Variants in SH2D4A observed in about 807,000 individuals in gnomAD.
SH2D4A encodes the protein SH2 domain-containing protein 4A.
A neutral mutation model predicts 64.7 loss-of-function variants in SH2D4A; 70 were observed. That is an observed-to-expected ratio of 1.08 (90% CI 0.89 to 1.32). The LOEUF (loss-of-function observed/expected upper bound fraction) is 1.32. Among genes scored for constraint, SH2D4A ranks in the 40% most tolerant of loss-of-function variants. The pLI is 0.00. For missense variants in SH2D4A, 706 were observed against 540.1 expected (o/e 1.31, Z -3.04); for synonymous variants, 268 against 200.7 (o/e 1.34, Z -2.83).
intron 4 of SH2D4A, among the ~76,000 whole-genome samples, chr8:19,340,010 G>A (rs1243776850): frequency 6.6e-6 from 1 of 152,166 alleles, no homozygotes; most frequent in African/African-American, 2.4e-5. Context: ...ACAATAACAA[G>A]TGCTGTGACT....
chr8:19,394,505 TG>T, intron 9 of SH2D4A, 44 bp from the exon 10 acceptor site: 1 of 1,304,444 alleles, frequency 7.7e-7, no homozygotes, highest in Non-Finnish European at 1.1e-6. Context: ...GAAGAGCATG[TG>T]GTCACTACTT....
intron 6 of SH2D4A, among the ~76,000 whole-genome samples, chr8:19,362,230 C>T (rs1055948275): frequency 7.9e-5 from 12 of 152,194 alleles, no homozygotes; most frequent in African/African-American, 2.9e-4. Flanking sequence ...CCAGTAGGCT[C>T]TTTGTACTAT....
At chr8:19,391,050 A>G (rs1385249487) in intron 8 of SH2D4A, among the ~76,000 whole-genome samples, 1 of 152,094 alleles carries the variant, frequency 6.6e-6, no homozygotes, top group Non-Finnish European at 1.5e-5. Flanking sequence ...TCTTTTTCCA[A>G]GATGCTGCTT....
chr8:19,358,948 C>T (rs13439427), intron 5 of SH2D4A, among the ~76,000 whole-genome samples: 1 of 152,012 alleles, frequency 6.6e-6, no homozygotes, highest in African/African-American at 2.4e-5. Context: ...TCGGCCCCTC[C>T]GCCCCTCCAC....
chr8:19,314,063 C>G, intron 1 of SH2D4A: 1 of 1,112,228 alleles, frequency 9.0e-7, no homozygotes, highest in Non-Finnish European at 1.1e-6. Flanking sequence ...TGTCCGGTGT[C>G]TGGAGCCGCT....
intron 1 of SH2D4A, 80 bp from the exon 2 acceptor site, chr8:19,319,264 G>A (rs752222326): frequency 3.8e-4 from 395 of 1,029,526 alleles, no homozygotes; most frequent in Non-Finnish European, 4.6e-4. Flanking sequence ...TTTCCTCCTA[G>A]CTTTTTTTTT....
chr8:19,345,355 C>T (rs928698143), intron 4 of SH2D4A, among the ~76,000 whole-genome samples: 2 of 152,214 alleles, frequency 1.3e-5, no homozygotes, highest in African/African-American at 2.4e-5. Context: ...AAGCAACACT[C>T]GATGCCTGTA....
intron 1 of SH2D4A, among the ~76,000 whole-genome samples, chr8:19,314,381 C>T (rs1328311121): frequency 1.3e-5 from 2 of 152,170 alleles, no homozygotes; most frequent in Non-Finnish European, 2.9e-5. Context: ...CACCGGCACC[C>T]AGGGGCGCCC....
At chr8:19,316,864 G>A (rs981833783) in intron 1 of SH2D4A, among the ~76,000 whole-genome samples, 2 of 152,210 alleles carry the variant, frequency 1.3e-5, no homozygotes, top group Admixed American at 1.3e-4. Flanking sequence ...GCATAGTGAT[G>A]GGCTGGACTC....
chr8:19,354,605 G>C (rs1019778476), intron 4 of SH2D4A, among the ~76,000 whole-genome samples: 1 of 152,242 alleles, frequency 6.6e-6, no homozygotes, highest in South Asian at 2.1e-4. Flanking sequence ...ATACAATGAT[G>C]ATAGGAAAAA....
intron 2 of SH2D4A, among the ~76,000 whole-genome samples, chr8:19,326,645 C>T (rs550840564): frequency 8.3e-6 from 1 of 120,970 alleles, no homozygotes; most frequent in Admixed American, 7.3e-5. Flanking sequence ...TCCCCCACAT[C>T]GTGTGTGTGT....
At chr8:19,340,616 T>C (rs2052516091) in intron 4 of SH2D4A, among the ~76,000 whole-genome samples, 1 of 148,138 alleles carries the variant, frequency 6.8e-6, no homozygotes, top group Non-Finnish European at 1.5e-5. Context: ...TTTTTTTTTT[T>C]TTTTTTTGAG....
intron 2 of SH2D4A, among the ~76,000 whole-genome samples, chr8:19,326,800 G>T (rs951925452): frequency 6.6e-6 from 1 of 152,136 alleles, no homozygotes; most frequent in African/African-American, 2.4e-5. Context: ...TCAAAGGTGA[G>T]TCTTAGCCCT....
At chr8:19,335,167 A>C (rs2052426549) in intron 4 of SH2D4A, among the ~76,000 whole-genome samples, 1 of 152,084 alleles carries the variant, frequency 6.6e-6, no homozygotes, top group Non-Finnish European at 1.5e-5. Context: ...GGGCGCCTGC[A>C]GTCCCAGCTA....
intron 2 of SH2D4A, among the ~76,000 whole-genome samples, chr8:19,331,341 C>T (rs1333126373): frequency 1.3e-5 from 2 of 152,204 alleles, no homozygotes; most frequent in African/African-American, 2.4e-5. Flanking sequence ...GCACACACAC[C>T]AGCCAGGTGC....
At chr8:19,319,087 T>C (rs879789268) in intron 1 of SH2D4A, among the ~76,000 whole-genome samples, 3 of 152,144 alleles carry the variant, frequency 2.0e-5, no homozygotes, top group Non-Finnish European at 2.9e-5. Flanking sequence ...CTGTGAACTT[T>C]TTTTGTTTGC....
intron 8 of SH2D4A, among the ~76,000 whole-genome samples, chr8:19,390,029 A>G (rs1360712476): frequency 3.3e-5 from 5 of 152,182 alleles, no homozygotes; most frequent in Non-Finnish European, 7.3e-5. Flanking sequence ...CCCCTGCTTC[A>G]GAATTCTTAG....
chr8:19,377,983 G>T (rs1244215712), intron 8 of SH2D4A, among the ~76,000 whole-genome samples: 1 of 152,142 alleles, frequency 6.6e-6, no homozygotes, highest in Non-Finnish European at 1.5e-5. Flanking sequence ...GATACTGCCA[G>T]ATTCTCATTT....
At chr8:19,390,051 G>A (rs1185540251) in intron 8 of SH2D4A, among the ~76,000 whole-genome samples, 1 of 152,164 alleles carries the variant, frequency 6.6e-6, no homozygotes, top group Non-Finnish European at 1.5e-5. Flanking sequence ...GTTGTGCAAA[G>A]GGCAATGCAG....
Sources: gnomAD v4.1 joint callset for allele counts (sites outside exome capture counted in the v4.1 genomes callset) on GRCh38, gnomAD v4.1.1 for gene constraint, MANE v1.5 for transcripts, NCBI Gene and HGNC (gene_info 2026-07-23, HGNC 2026-07-21) for gene names.